Variants in MED26 observed in about 807,000 individuals in gnomAD.
The protein encoded by MED26 is mediator of RNA polymerase II transcription subunit 26.
Under a neutral mutation model 43.7 loss-of-function variants are expected in MED26, and 7 were observed. The observed-to-expected ratio is 0.16, with a 90% CI of 0.09 to 0.30. The LOEUF (loss-of-function observed/expected upper bound fraction) is 0.30. Ranked by LOEUF, MED26 falls within the 10% of genes least tolerant of loss-of-function variation. The pLI is 1.00. For missense variants in MED26, 784 were observed against 840.6 expected (o/e 0.93, Z 0.83); for synonymous variants, 375 against 371.1 (o/e 1.01, Z -0.12).
chr19:16,592,802 G>A (rs920978536), intron 1 of MED26, among the ~76,000 whole-genome samples: 10 of 152,228 alleles, frequency 6.6e-5, no homozygotes, highest in Non-Finnish European at 1.0e-4. Flanking sequence ...TGCAACTGGG[G>A]ACATTTTCTA....
intron 1 of MED26, among the ~76,000 whole-genome samples, chr19:16,603,644 GCCTATCTCGGTATGTGGGGGCCAGATGT>G (rs1599341873): frequency 6.6e-6 from 1 of 152,134 alleles, no homozygotes; most frequent in East Asian, 1.9e-4. Context: ...CCCCAACACT[GCCTATCTCGGTATGTGGGGGCCAGATGT>G]AAACAGGTAC....
chr19:16,595,617 A>G (rs1317699631), intron 1 of MED26, among the ~76,000 whole-genome samples: 1 of 152,174 alleles, frequency 6.6e-6, no homozygotes, highest in Non-Finnish European at 1.5e-5. Context: ...TCTGCACAGA[A>G]CAAAGTGTGG....
chr19:16,627,326 C>G lies in MED26; in HGVS notation c.72+546G>C, dbSNP rs186761411. Among the ~76,000 whole-genome samples the G allele has an allele frequency of 2.6e-5, 4 of 152,260 alleles. No individual in the cohort carries two copies. In the East Asian group the frequency reaches 7.7e-4, roughly 29 times the overall value. ...ACAGACTCTCCACGTACCCTAGGTA[C>G]CCGGCCAGGGGCAAAACAGACTGGG... On this transcript the variant is annotated intron_variant, in intron 1 of 2. Coordinates refer to ENST00000263390, the MANE Select transcript of MED26 (RefSeq NM_004831.5).
At chr19:16,627,803 G>A (rs539993631) in intron 1 of MED26, 69 bp downstream of exon 1, 2 of 1,162,060 alleles carry the variant, frequency 1.7e-6, no homozygotes, top group Admixed American at 6.4e-5. Context: ...GGTGGGCGAG[G>A]GGTACAGGAG....
At chr19:16,627,838 G>C in intron 1 of MED26, 34 bp downstream of exon 1, 1 of 1,447,688 alleles carries the variant, frequency 6.9e-7, no homozygotes, top group Non-Finnish European at 9.2e-7. Flanking sequence ...GGGCCCATGC[G>C]GCCTCCGTCC....
At chr19:16,606,479 G>T (rs1364964213) in intron 1 of MED26, among the ~76,000 whole-genome samples, 2 of 152,202 alleles carry the variant, frequency 1.3e-5, no homozygotes, top group African/African-American at 4.8e-5. Flanking sequence ...AACCCGGGAG[G>T]CAGAGGTTGC....
intron 1 of MED26, among the ~76,000 whole-genome samples, chr19:16,601,264 T>C (rs999212565): frequency 2.6e-5 from 4 of 151,450 alleles, no homozygotes; most frequent in African/African-American, 9.7e-5. Context: ...CAAGCGATTC[T>C]CCTGCCTCAG....
chr19:16,609,463 T>C (rs1427141347), intron 1 of MED26, among the ~76,000 whole-genome samples: 1 of 152,072 alleles, frequency 6.6e-6, no homozygotes, highest in African/African-American at 2.4e-5. Context: ...ACAACAGTGT[T>C]GTATATTTCA....
intron 1 of MED26, among the ~76,000 whole-genome samples, chr19:16,592,118 C>CTGA (rs745480224): frequency 4.6e-5 from 7 of 152,236 alleles, no homozygotes; most frequent in Non-Finnish European, 7.3e-5. Context: ...AGCTGCAGCC[C>CTGA]TGACCCCTAC....
chr19:16,596,741 A>G (rs965671146), intron 1 of MED26, among the ~76,000 whole-genome samples: 4 of 152,168 alleles, frequency 2.6e-5, no homozygotes, highest in African/African-American at 9.7e-5. Flanking sequence ...TTCACAAAGG[A>G]ACGGGGTGAC....
intron 1 of MED26, among the ~76,000 whole-genome samples, chr19:16,580,924 C>T (rs1263474122): frequency 6.6e-6 from 1 of 152,178 alleles, no homozygotes; most frequent in Non-Finnish European, 1.5e-5. Flanking sequence ...CCAGGCTGTT[C>T]CCTTAGTCAC....
At chr19:16,621,087 T>C (rs528548922) in intron 1 of MED26, among the ~76,000 whole-genome samples, 1 of 152,190 alleles carries the variant, frequency 6.6e-6, no homozygotes, top group Admixed American at 6.5e-5. Flanking sequence ...AGGGTACACC[T>C]TGGAAGACGC....
intron 1 of MED26, among the ~76,000 whole-genome samples, chr19:16,580,863 T>C (rs2086041715): frequency 6.6e-6 from 1 of 152,116 alleles, no homozygotes; most frequent in South Asian, 2.1e-4. Context: ...CTCTAAGGAC[T>C]CCCTGACTAG....
At position 16,611,800 on chromosome 19, in the gene MED26, T is replaced by C. The variant is rs2086200617; in HGVS notation, c.72+16072A>G. 3 of 152,192 alleles carry C rather than the reference T, an allele frequency of 2.0e-5. No homozygotes were observed. In the South Asian group the frequency reaches 6.2e-4, roughly 32 times the overall value. The allele number at this position is 152,192 out of a possible 1,614,324, so 9.4% of individuals were successfully genotyped here. A position where few individuals can be genotyped will look rare whatever the true frequency, so the allele number is the denominator to read the frequency against. ...CACCATGATTCTGAAGCTTCTCCCA[T>C]GCTGTTTAAAAATAAACTTCATTAA... On this transcript the variant is annotated intron_variant, in intron 1 of 2. Transcript: ENST00000263390.
chr19:16,616,583 C>T lies in MED26; in HGVS notation c.72+11289G>A, dbSNP rs141224127. 5.0e-4 allele frequency among the ~76,000 whole-genome samples: 76 copies of T among 152,244 alleles called. 1 individual carries two copies. The highest frequency in any genetic ancestry group is 1.7e-3 in the African/African-American group (72 of 41,534). ...GTCTACAGAGCAGTAGATCATGGCA[C>T]CACCAACAGACACAGCACAGCATGA... is the stretch of plus-strand genomic sequence containing the variant. On this transcript the variant is annotated intron_variant, in intron 1 of 2. Coordinates refer to ENST00000263390, the MANE Select transcript of MED26 (RefSeq NM_004831.5).
chr19:16,623,454 TAATATCAAAAGTG>T (rs1208405346), intron 1 of MED26, among the ~76,000 whole-genome samples: 2 of 152,208 alleles, frequency 1.3e-5, no homozygotes, highest in Non-Finnish European at 2.9e-5. Context: ...CATTTTAAGT[TAATATCAAAAGTG>T]CTGTAATGTT....
At chr19:16,608,752 T>C (rs1440400132) in intron 1 of MED26, among the ~76,000 whole-genome samples, 1 of 152,248 alleles carries the variant, frequency 6.6e-6, no homozygotes, top group Non-Finnish European at 1.5e-5. Context: ...GCTACAAAGA[T>C]AGCAGTACAA....
chr19:16,597,669 G>A (rs971509465), intron 1 of MED26, among the ~76,000 whole-genome samples: 5 of 152,124 alleles, frequency 3.3e-5, no homozygotes, highest in African/African-American at 9.7e-5. Flanking sequence ...TGCAGCCTTC[G>A]TTTACCCTTT....
chr19:16,578,282 C>T (rs1322811970), intron 2 of MED26, 53 bp downstream of exon 2: 15 of 1,535,874 alleles, frequency 9.8e-6, no homozygotes, highest in Admixed American at 1.7e-5. Flanking sequence ...TGGTTGGTAC[C>T]ATCCCCTGCC....
Sources: allele counts gnomAD v4.1 joint callset (sites outside exome capture counted in the v4.1 genomes callset), GRCh38; gene constraint gnomAD v4.1.1; transcripts MANE v1.5; gene names NCBI Gene and HGNC (gene_info 2026-07-23, HGNC 2026-07-21).